Variants in ALOX15 observed in about 807,000 individuals in gnomAD.
ALOX15 encodes polyunsaturated fatty acid lipoxygenase ALOX15.
Under a neutral mutation model 71.7 loss-of-function variants are expected in ALOX15, and 68 were observed. The observed-to-expected ratio is 0.95, with a 90% CI of 0.78 to 1.16. The LOEUF (loss-of-function observed/expected upper bound fraction) is 1.16. ALOX15 is among the 50% of genes most tolerant of loss of function. ALOX15 has a pLI of 0.00. For missense variants in ALOX15, 798 were observed against 818.8 expected (o/e 0.97, Z 0.31); for synonymous variants, 346 against 333.3 (o/e 1.04, Z -0.42).
chr17:4,639,836 G>A, intron 1 of ALOX15: 1 of 571,130 alleles, frequency 1.8e-6, no homozygotes, highest in Non-Finnish European at 3.1e-6. Flanking sequence ...GGGGACGGCA[G>A]GTGGGAAGGT....
Position 4,631,524 on chromosome 17 carries a change from G to A in ALOX15, c.*76C>T, listed in dbSNP as rs1252366137. 14 of 1,551,016 alleles carry A rather than the reference G, an allele frequency of 9.0e-6. No homozygotes were observed. The highest frequency in any genetic ancestry group is 1.8e-5 in the Admixed American group (1 of 56,246). The stretch of plus-strand genomic sequence containing the variant: ...ATGGGAAGAGGGTGGGACTTGGGAG[G>A]GCAGGGCTATAACCACGAAGGGGTC... On this transcript the variant is annotated 3_prime_UTR_variant, in exon 14 of 14. Coordinates refer to ENST00000293761, the MANE Select transcript of ALOX15 (RefSeq NM_001140.5).
intron 10 of ALOX15, 37 bp downstream of exon 10, chr17:4,633,109 C>T (rs1461714316): frequency 6.2e-7 from 1 of 1,608,906 alleles, no homozygotes; most frequent in South Asian, 1.1e-5. Flanking sequence ...TTCTCCACCC[C>T]CACTTGCACC....
chr17:4,632,005 G>A lies in ALOX15; in HGVS notation c.1693C>T (p.Pro565Ser). 1 of 1,613,910 alleles carries A rather than the reference G, an allele frequency of 6.2e-7. No homozygotes were observed. Among genetic ancestry groups the A allele is most frequent in the Non-Finnish European group, 8.5e-7 (1 of 1,179,992 alleles). Residue 565 changes from proline to serine, a missense_variant, in exon 13 of 14, where the codon CCG becomes TCG. This residue lies in a region of ALOX15 where 490 missense variants were observed against 509.4 expected (regional missense o/e 0.96). Transcript: ENST00000293761. ...AGCGTTGCATCCTTGGTGGTTGGCGGGGGCAGCCGCATCGTGCAGGGTGCA... is the reference window on the plus strand; with the variant it reads ...AGCGTTGCATCCTTGGTGGTTGGCGAGGGCAGCCGCATCGTGCAGGGTGCA... ...PNAPCTMRLP[P>S]PTTKDATLET...
intron 11 of ALOX15, 149 bp from the exon 12 acceptor site, chr17:4,632,430 G>A (rs543785631): frequency 1.4e-6 from 1 of 700,178 alleles, no homozygotes; most frequent in Non-Finnish European, 2.4e-6. Flanking sequence ...GCAGGTTGGG[G>A]TGGGGGAGTG....
intron 8 of ALOX15, 68 bp from the exon 9 acceptor site, chr17:4,633,568 G>A (rs1017741082): frequency 6.6e-6 from 9 of 1,362,718 alleles, no homozygotes; most frequent in African/African-American, 2.9e-5. Flanking sequence ...GGAAACAAGG[G>A]CTGACAGCAG....
intron 5 of ALOX15, 22 bp downstream of exon 5, chr17:4,638,559 C>T: frequency 6.2e-7 from 1 of 1,610,096 alleles, no homozygotes; most frequent in Non-Finnish European, 8.5e-7. Context: ...GGTTGGGAGA[C>T]ATACTGGGGT....
Position 4,641,501 on chromosome 17 carries a change from G to C in ALOX15, c.135+16C>G, listed in dbSNP as rs760628137. On this transcript the variant is annotated intron_variant, in intron 1 of 13. Transcript: ENST00000293761. ...CCAGGGGCGCAGCCCACCCCGCCCG[G>C]CTCTGGGGAGCTCACCTTGCCCCGT... 9.9e-6 allele frequency: 16 copies of C among 1,610,910 alleles called. No individual in the cohort carries two copies. The Admixed American group carries it at 2.5e-4, about 25-fold the overall frequency.
At position 4,631,538 on chromosome 17, in the gene ALOX15, C is replaced by T. The variant is rs1272625797; in HGVS notation, c.*62G>A. The T allele has an allele frequency of 6.3e-7, 1 of 1,587,524 alleles. No homozygotes were observed. On this transcript the variant is annotated 3_prime_UTR_variant, in exon 14 of 14. Coordinates refer to ENST00000293761, the MANE Select transcript of ALOX15 (RefSeq NM_001140.5). The stretch of plus-strand genomic sequence containing the variant: ...GGACTTGGGAGGGCAGGGCTATAAC[C>T]ACGAAGGGGTCAGCTTGTGGCTTGG...
Position 4,635,530 on chromosome 17 carries a change from G to T in ALOX15, c.1161+229C>A, listed in dbSNP as rs530489222. ...ATCCTTGGTCATTTGCATGTACTGT[G>T]CTTTACATATAAAAAGAGTAAGATT... On this transcript the variant is annotated intron_variant, in intron 8 of 13. Coordinates refer to ENST00000293761, the MANE Select transcript of ALOX15 (RefSeq NM_001140.5). Among the ~76,000 whole-genome samples the T allele has an allele frequency of 2.0e-5, 3 of 152,254 alleles. No individual in the cohort carries two copies. The East Asian group carries it at 5.8e-4, about 29-fold the overall frequency.
chr17:4,639,563 C>G lies in ALOX15; in HGVS notation c.204G>C (p.Arg68=). The G allele has an allele frequency of 6.2e-7, 1 of 1,613,744 alleles. No individual in the cohort carries two copies. Among genetic ancestry groups the G allele is most frequent in the South Asian group, 1.1e-5 (1 of 91,022 alleles). Residue 68 remains arginine, a synonymous_variant, in exon 2 of 14, where the codon CGG becomes CGC. Coordinates refer to ENST00000293761, the MANE Select transcript of ALOX15 (RefSeq NM_001140.5). ...ACCAGGCGTCGTCCTTAAGGAGGTG[C>G]CGTTTGCGCAGTTTCACAAACAGCA... ...GPLLFVKLRK[R]HLLKDDAWFC... is the part of the protein sequence containing the mutation.
At chr17:4,636,081 C>G in intron 7 of ALOX15, 113 bp from the exon 8 acceptor site, 1 of 1,156,572 alleles carries the variant, frequency 8.6e-7, no homozygotes, top group Non-Finnish European at 1.2e-6. Context: ...TTCTGCTTTC[C>G]CCATCTCACT....
intron 12 of ALOX15, 49 bp downstream of exon 12, chr17:4,632,132 T>TC (rs1205260536): frequency 1.2e-6 from 2 of 1,613,412 alleles, no homozygotes; most frequent in South Asian, 1.1e-5. Context: ...CACAGACCCC[T>TC]CCCTCACTCC....
chr17:4,635,207 G>C lies in ALOX15; in HGVS notation c.1161+552C>G. Among the ~76,000 whole-genome samples, 2 of 151,872 alleles carry C rather than the reference G, an allele frequency of 1.3e-5. 1 individual carries two copies. Among genetic ancestry groups the C allele is most frequent in the South Asian group, 4.2e-4 (2 of 4,816 alleles). On this transcript the variant is annotated intron_variant, in intron 8 of 13. Coordinates refer to ENST00000293761, the MANE Select transcript of ALOX15 (RefSeq NM_001140.5). ...GCACTTTGGGAGACCTAGACAAGCA[G>C]ATCATCTGAGGTCAGGCATTCGAGA...
chr17:4,639,220 CTGTGT>C, intron 2 of ALOX15, 88 bp from the exon 3 acceptor site: 2 of 1,527,492 alleles, frequency 1.3e-6, no homozygotes, highest in Non-Finnish European at 1.8e-6. Context: ...CCCCGTCCTT[CTGTGT>C]GGCCTCTGCC....
In ALOX15 at chr17:4,632,842, G is replaced by A. The variant is rs770114335; in HGVS notation, c.1540+19C>T. 1.9e-6 allele frequency: 3 copies of A among 1,613,988 alleles called. No individual in the cohort carries two copies. The highest frequency in any genetic ancestry group is 2.5e-6 in the Non-Finnish European group (3 of 1,179,954). ...CTTGGGCTTTGTGTCTGAGATCTCA[G>A]GGCAGGGGCTCCTCTTACCTCGGTC... On this transcript the variant is annotated intron_variant, in intron 11 of 13. Coordinates refer to ENST00000293761, the MANE Select transcript of ALOX15 (RefSeq NM_001140.5).
intron 8 of ALOX15, 112 bp downstream of exon 8, chr17:4,635,643 CCATT>C: frequency 1.0e-6 from 1 of 968,826 alleles, no homozygotes; most frequent in South Asian, 1.5e-5. Flanking sequence ...CTCACATTGT[CCATT>C]CATTGTTTCT....
chr17:4,633,778 C>T (rs536968105), intron 8 of ALOX15, among the ~76,000 whole-genome samples: 153 of 152,242 alleles, frequency 1.0e-3, no homozygotes, highest in Non-Finnish European at 2.0e-3. Flanking sequence ...ATGGAATCAA[C>T]CTAAATGCCC....
chr17:4,632,070 G>A lies in ALOX15; in HGVS notation c.1642-14C>T, dbSNP rs1368761259. ...GTACCAGTCCAGCTAAGGAAGGGCA[G>A]GGATCCAGAGTCAGTGCCTACCAAG... is the stretch of plus-strand genomic sequence containing the variant. On this transcript the variant is annotated splice_polypyrimidine_tract_variant and intron_variant, in intron 12 of 13. Coordinates refer to ENST00000293761, the MANE Select transcript of ALOX15 (RefSeq NM_001140.5). 5 of 1,609,076 alleles carry A rather than the reference G, an allele frequency of 3.1e-6. No homozygotes were observed. The South Asian group carries it at 5.5e-5, about 18-fold the overall frequency.
chr17:4,638,155 A>G lies in ALOX15; in HGVS notation c.807+62T>C, dbSNP rs1414918830. ...GGCCCACAGTGGGTCCCGCAGCAGC[A>G]TCATTGGCACTAGGCCACCCCACTT... is the stretch of plus-strand genomic sequence containing the variant. On this transcript the variant is annotated intron_variant, in intron 6 of 13. Transcript: ENST00000293761. 4 of 572,088 alleles carry G rather than the reference A, an allele frequency of 7.0e-6. 1 individual carries two copies. Among genetic ancestry groups the G allele is most frequent in the African/African-American group, 3.8e-5 (2 of 52,342 alleles). 35.4% of individuals were successfully genotyped at this position (572,088 alleles called of 1,614,324 possible).
Sources: allele counts gnomAD v4.1 joint callset (sites outside exome capture counted in the v4.1 genomes callset), GRCh38; gene constraint gnomAD v4.1.1; regional missense constraint gnomAD v4.1.1; transcripts MANE v1.5; gene names NCBI Gene and HGNC (gene_info 2026-07-23, HGNC 2026-07-21).